The following C2CD5 variants were observed in gnomAD, a reference collection of about 807,000 sequenced individuals.
The protein encoded by C2CD5 is C2 calcium dependent domain containing 5, also known as C2 domain-containing protein 5.
A neutral mutation model predicts 130.3 loss-of-function variants in C2CD5; 109 were observed. That is an observed-to-expected ratio of 0.84 (90% CI 0.72 to 0.98). The LOEUF is 0.98. Among genes scored for constraint, C2CD5 ranks in the 50% least tolerant of loss-of-function variants. The pLI, the probability that C2CD5 is intolerant of heterozygous loss-of-function variation, is 0.00. For missense variants in C2CD5, 996 were observed against 1,261.8 expected (o/e 0.79, Z 3.19); for synonymous variants, 454 against 429.2 (o/e 1.06, Z -0.71).
intron 2 of C2CD5, among the ~76,000 whole-genome samples, chr12:22,541,422 G>C (rs770761257): frequency 5.9e-5 from 9 of 152,140 alleles, no homozygotes; most frequent in Non-Finnish European, 8.8e-5. Context: ...GCTTCTCAAT[G>C]AATTTAGGGT....
intron 22 of C2CD5, among the ~76,000 whole-genome samples, chr12:22,467,892 G>A (rs1942356124): frequency 6.6e-6 from 1 of 152,174 alleles, no homozygotes; most frequent in Non-Finnish European, 1.5e-5. Context: ...AGCTATTGCA[G>A]AAGTGGAAAG....
At chr12:22,463,794 T>A (rs1046776137) in intron 22 of C2CD5, 1 of 152,248 alleles carries the variant, frequency 6.6e-6, no homozygotes, top group African/African-American at 2.4e-5. Context: ...CTTATCTGAA[T>A]GTCTTTTAAG....
At position 22,449,724 on chromosome 12, in the gene C2CD5, AT is replaced by A; in HGVS notation, c.*35del. The A allele has an allele frequency of 1.4e-6, 2 of 1,477,190 alleles. No individual in the cohort carries two copies. The highest frequency in any genetic ancestry group is 1.9e-6 in the Non-Finnish European group (2 of 1,073,434). 91.5% of individuals were successfully genotyped at this position (1,477,190 alleles called of 1,614,324 possible). On this transcript the variant is annotated 3_prime_UTR_variant, in exon 27 of 27. Coordinates refer to ENST00000446597, the MANE Select transcript of C2CD5 (RefSeq NM_001286176.2). ...ATGACAAAATAACAGAGATTGATGAATTTCATTTAGTTGAGCTCTTTTTTCC... is the reference window on the plus strand; with the variant it reads ...ATGACAAAATAACAGAGATTGATGAATTCATTTAGTTGAGCTCTTTTTTCC...
At chr12:22,466,072 C>T (rs1010984500) in intron 22 of C2CD5, among the ~76,000 whole-genome samples, 4 of 151,994 alleles carry the variant, frequency 2.6e-5, no homozygotes, top group African/African-American at 9.7e-5. Flanking sequence ...AATTAAGATA[C>T]ATGTTATTGA....
chr12:22,459,685 G>C, intron 22 of C2CD5, 143 bp from the exon 23 acceptor site: 1 of 495,444 alleles, frequency 2.0e-6, no homozygotes, highest in Middle Eastern at 3.1e-4. Flanking sequence ...CCAAATAAAA[G>C]CATCTAGGTT....
chr12:22,481,294 G>A (rs927926203), intron 14 of C2CD5, among the ~76,000 whole-genome samples: 2 of 152,040 alleles, frequency 1.3e-5, no homozygotes, highest in Non-Finnish European at 2.9e-5. Context: ...AATGTATAGA[G>A]ACAAAAAAGT....
chr12:22,490,297 A>G (rs971344741), intron 11 of C2CD5, 79 bp from the exon 12 acceptor site: 160 of 937,548 alleles, frequency 1.7e-4, no homozygotes, highest in Non-Finnish European at 2.5e-4. Flanking sequence ...CAAAATAATT[A>G]TAACAGTGAC....
At position 22,457,907 on chromosome 12, in the gene C2CD5, C is replaced by T. The variant is rs368998158; in HGVS notation, c.2686+577G>A. 2.6e-5 allele frequency among the ~76,000 whole-genome samples: 4 copies of T among 152,136 alleles called. No individual in the cohort carries two copies. The East Asian group carries it at 7.7e-4, about 29-fold the overall frequency. On this transcript the variant is annotated intron_variant, in intron 24 of 26. Transcript: ENST00000446597. ...GCACTTCTAGGATTCAGAACCAGAT[C>T]TGGCTGGTTTCACATCCTATATTAT...
chr12:22,484,579 T>A, intron 13 of C2CD5, 118 bp downstream of exon 13: 1 of 466,188 alleles, frequency 2.1e-6, no homozygotes, highest in Admixed American at 3.6e-5. Flanking sequence ...AGCAGAATTG[T>A]CCAGTTTGTG....
At position 22,469,722 on chromosome 12, in the gene C2CD5, A is replaced by G. The variant is rs752296378; in HGVS notation, c.2520T>C (p.Phe840=). The stretch of plus-strand genomic sequence containing the variant: ...CACTTAACCAACCTTTAGCTGGTGG[A>G]AAAGGATGAGAAGGAAGTGAATCTG... The part of the protein sequence containing the change: ...LCSDSLPSHP[F]PPAKEHLESA... Residue 840 remains phenylalanine (F), a synonymous_variant, in exon 22 of 27, where the codon TTT becomes TTC. Transcript: ENST00000446597. 6.3e-7 allele frequency: 1 copy of G among 1,596,982 alleles called. No homozygotes were observed.
At chr12:22,451,937 C>G (rs1229310284) in intron 26 of C2CD5, among the ~76,000 whole-genome samples, 1 of 152,148 alleles carries the variant, frequency 6.6e-6, no homozygotes, top group Non-Finnish European at 1.5e-5. Flanking sequence ...GCACTAAGCA[C>G]ATTACATATA....
At chr12:22,492,325 T>G (rs553753825) in intron 11 of C2CD5, among the ~76,000 whole-genome samples, 3 of 151,950 alleles carry the variant, frequency 2.0e-5, no homozygotes, top group African/African-American at 4.8e-5. Flanking sequence ...AGAAACTAAG[T>G]AAGGAGCTGA....
chr12:22,499,891 T>C (rs1416400363), intron 10 of C2CD5, among the ~76,000 whole-genome samples: 2 of 152,156 alleles, frequency 1.3e-5, no homozygotes, highest in African/African-American at 4.8e-5. Context: ...TCCTGCTCTA[T>C]AAAAACATTT....
At chr12:22,497,426 A>T (rs1947164256) in intron 10 of C2CD5, among the ~76,000 whole-genome samples, 1 of 152,170 alleles carries the variant, frequency 6.6e-6, no homozygotes, top group African/African-American at 2.4e-5. Context: ...AATATTGTTT[A>T]AAAATAAAAA....
intron 7 of C2CD5, 83 bp downstream of exon 7, chr12:22,523,343 A>T: frequency 9.4e-7 from 1 of 1,058,426 alleles, no homozygotes; most frequent in Non-Finnish European, 1.4e-6. Context: ...GAACAACCCT[A>T]CTAAAATGTT....
At chr12:22,475,446 C>A (rs1261128759) in intron 15 of C2CD5, among the ~76,000 whole-genome samples, 1 of 152,030 alleles carries the variant, frequency 6.6e-6, no homozygotes, top group East Asian at 1.9e-4. Flanking sequence ...CAATAATGAT[C>A]TTTTTAAGGT....
chr12:22,525,617 G>A lies in C2CD5; in HGVS notation c.438C>T (p.Phe146=). The A allele has an allele frequency of 2.7e-6, 4 of 1,486,034 alleles. No individual in the cohort carries two copies. The highest frequency in any genetic ancestry group is 3.8e-6 in the Non-Finnish European group (4 of 1,064,040). 92.1% of individuals were successfully genotyped at this position (1,486,034 alleles called of 1,614,324 possible). Residue 146 remains phenylalanine, a synonymous_variant, in exon 5 of 27, where the codon TTC becomes TTT. Transcript: ENST00000446597. ...RFRQSSCGVK[F]FCTTSIPKCY... ...TAGAATGTATTTACTTACTGCAAAA[G>A]AATTTGACTCCACATGATGACTGCC...
chr12:22,507,087 A>G (rs1253068022), intron 9 of C2CD5: 1 of 281,776 alleles, frequency 3.5e-6, no homozygotes, highest in African/African-American at 2.2e-5. Flanking sequence ...TCAATTTAAG[A>G]TATTTGAAAC....
At chr12:22,494,556 G>A (rs1443442269) in intron 10 of C2CD5, among the ~76,000 whole-genome samples, 8 of 151,974 alleles carry the variant, frequency 5.3e-5, no homozygotes, top group Non-Finnish European at 1.0e-4. Flanking sequence ...CAGCAAAAGG[G>A]AGAAATAAGG....
Sources: allele counts gnomAD v4.1 joint callset (sites outside exome capture counted in the v4.1 genomes callset), GRCh38; gene constraint gnomAD v4.1.1; transcripts MANE v1.5; gene names NCBI Gene and HGNC (gene_info 2026-07-23, HGNC 2026-07-21).